Variants in SPTBN1 observed in about 807,000 individuals in gnomAD.
SPTBN1 encodes the protein spectrin beta, non-erythrocytic 1.
A neutral mutation model predicts 266.4 loss-of-function variants in SPTBN1; 32 were observed. The observed-to-expected ratio is 0.12, with a 90% CI of 0.09 to 0.16. The LOEUF (loss-of-function observed/expected upper bound fraction) is 0.16. Ranked by LOEUF, SPTBN1 falls within the 10% of genes least tolerant of loss-of-function variation. The pLI is 1.00. For missense variants in SPTBN1, 2,296 were observed against 3,067.1 expected, an observed-to-expected ratio of 0.75 and a Z score of 5.94; for synonymous variants, 1,336 against 1,162.2, an observed-to-expected ratio of 1.15 and a Z score of -3.04.
chr2:54,517,212 G>A (rs1039854766), intron 1 of SPTBN1, among the ~76,000 whole-genome samples: 2 of 151,970 alleles, frequency 1.3e-5, no homozygotes, highest in Non-Finnish European at 2.9e-5. Flanking sequence ...GATGCCCTTG[G>A]CCAAGAGGGC....
At chr2:54,482,045 C>G (rs1200692653) in intron 1 of SPTBN1, among the ~76,000 whole-genome samples, 1 of 152,034 alleles carries the variant, frequency 6.6e-6, no homozygotes, top group African/African-American at 2.4e-5. Context: ...GGCATAGTAC[C>G]ACAGGATTGC....
chr2:54,620,131 G>T (rs764482283), intron 7 of SPTBN1, among the ~76,000 whole-genome samples: 1 of 152,178 alleles, frequency 6.6e-6, no homozygotes, highest in Admixed American at 6.5e-5. Flanking sequence ...CCTGCTTTGC[G>T]CAGGACAGCA....
Position 54,645,267 on chromosome 2 carries a change from C to T in SPTBN1, c.4308C>T (p.Ile1436=), listed in dbSNP as rs773794373. 7.4e-6 allele frequency: 12 copies of T among 1,614,102 alleles called. No homozygotes were observed. The highest frequency in any genetic ancestry group is 1.6e-4 in the Middle Eastern group (1 of 6,062). Reference sequence around the variant, plus strand: ...AGATGGAAGTGCGGAAGAAGGAGATCGAAGAGCTCCAAAGCCAAGCCCAGG... The same window carrying T: ...AGATGGAAGTGCGGAAGAAGGAGATTGAAGAGCTCCAAAGCCAAGCCCAGG... ...ENQMEVRKKE[I]EELQSQAQAL... is the part of the protein sequence containing the mutation. Residue 1436 remains isoleucine (I), a synonymous_variant, in exon 21 of 36, where the codon ATC becomes ATT. Coordinates refer to ENST00000356805, the MANE Select transcript of SPTBN1 (RefSeq NM_003128.3). The surrounding 1 kb of genome is among the most constrained non-coding windows in gnomAD (Gnocchi z 4.3).
At position 54,471,638 on chromosome 2, in the gene SPTBN1, C is replaced by G. The variant is rs188363850; in HGVS notation, c.-48+15120C>G. On this transcript the variant is annotated intron_variant, in intron 1 of 35. Coordinates refer to ENST00000356805, the MANE Select transcript of SPTBN1 (RefSeq NM_003128.3). ...TCAAATGTTGGAATGTGTTGGAGAA[C>G]TGCCAAGAGGTTGGGAGCAAGCTGT... Among the ~76,000 whole-genome samples the G allele has an allele frequency of 1.7e-4, 26 of 152,264 alleles. No homozygotes were observed. In the East Asian group the frequency reaches 5.0e-3, roughly 29 times the overall value.
At chr2:54,612,496 G>C (rs1317939021) in intron 4 of SPTBN1, among the ~76,000 whole-genome samples, 162 bp downstream of exon 4, 1 of 152,190 alleles carries the variant, frequency 6.6e-6, no homozygotes, top group Non-Finnish European at 1.5e-5. Flanking sequence ...ATTGAATGCT[G>C]CCTCGTAGGC....
chr2:54,612,677 G>A (rs999419259), intron 4 of SPTBN1, among the ~76,000 whole-genome samples: 1 of 152,174 alleles, frequency 6.6e-6, no homozygotes, highest in African/African-American at 2.4e-5. Flanking sequence ...AGGAGCAAAG[G>A]TATAAGGACG....
intron 32 of SPTBN1, chr2:54,662,222 A>G (rs1681096610): frequency 4.1e-6 from 4 of 985,352 alleles, no homozygotes; most frequent in Non-Finnish European, 4.8e-6. Flanking sequence ...TAGCACTGTG[A>G]TTGCTTTTGA....
At chr2:54,642,099 G>A (rs1191864219) in intron 18 of SPTBN1, among the ~76,000 whole-genome samples, 1 of 152,214 alleles carries the variant, frequency 6.6e-6, no homozygotes, top group Non-Finnish European at 1.5e-5. Flanking sequence ...GCTCTTCCTA[G>A]GTTAGCAAAG....
At chr2:54,655,664 C>A (rs1353216169) in intron 28 of SPTBN1, among the ~76,000 whole-genome samples, 1 of 152,178 alleles carries the variant, frequency 6.6e-6, no homozygotes, top group South Asian at 2.1e-4. Context: ...ACGTGTTTGC[C>A]GCAGGGAGCC....
chr2:54,622,332 G>T lies in SPTBN1; in HGVS notation c.909G>T (p.Met303Ile). ...ACAATGCTATTGAAACAGAAAAAAT[G>T]ATTGAAAAGTATGAATCACTTGCCT... ...VLDNAIETEK[M>I]IEKYESLASD... is the part of the protein sequence containing the mutation. The change falls in exon 9 of 36, where the codon ATG (methionine) becomes ATT (isoleucine). Residue 303 changes from methionine to isoleucine, a missense_variant. By Grantham distance (10) the Met-to-Ile change is conservative. This residue lies in a region of SPTBN1 where 148 missense variants were observed against 203.8 expected (regional missense o/e 0.73). Transcript: ENST00000356805. 1 of 1,613,874 alleles carries T rather than the reference G, an allele frequency of 6.2e-7. No individual in the cohort carries two copies. The highest frequency in any genetic ancestry group is 8.5e-7 in the Non-Finnish European group (1 of 1,179,840).
At chr2:54,481,194 G>A (rs1668079509) in intron 1 of SPTBN1, among the ~76,000 whole-genome samples, 1 of 150,294 alleles carries the variant, frequency 6.7e-6, no homozygotes, top group Non-Finnish European at 1.5e-5. Flanking sequence ...GAACAGGTTT[G>A]GAAAAAAAAA....
Position 54,570,244 on chromosome 2 carries a change from C to T in SPTBN1, c.149-28848C>T, listed in dbSNP as rs537586642. On this transcript the variant is annotated intron_variant, in intron 2 of 35. Coordinates refer to ENST00000356805, the MANE Select transcript of SPTBN1 (RefSeq NM_003128.3). The stretch of plus-strand genomic sequence containing the variant: ...GAAAGGCCCTTCTTAGCCTTTCTCT[C>T]TCCCCCAACCCCATTTTCAAGAGGC... Among the ~76,000 whole-genome samples the T allele has an allele frequency of 1.5e-4, 23 of 152,264 alleles. No homozygotes were observed. The South Asian group carries it at 2.7e-3, about 18-fold the overall frequency.
At chr2:54,654,396 A>G (rs1680510863) in intron 27 of SPTBN1, among the ~76,000 whole-genome samples, 1 of 152,208 alleles carries the variant, frequency 6.6e-6, no homozygotes, top group Non-Finnish European at 1.5e-5. Context: ...AGTGAAGAGA[A>G]GTTAATAGAG....
intron 1 of SPTBN1, among the ~76,000 whole-genome samples, chr2:54,514,403 A>C (rs1026878275): frequency 8.5e-5 from 13 of 152,298 alleles, no homozygotes; most frequent in African/African-American, 3.1e-4. Context: ...TTGCCCATTA[A>C]GAAAAAAAAA....
intron 1 of SPTBN1, among the ~76,000 whole-genome samples, chr2:54,488,283 G>A (rs998510620): frequency 2.6e-5 from 4 of 152,032 alleles, no homozygotes; most frequent in Admixed American, 1.3e-4. Flanking sequence ...GGACTAGGGC[G>A]GGAAAGTGAT....
intron 15 of SPTBN1, among the ~76,000 whole-genome samples, chr2:54,630,298 T>C (rs1240010458): frequency 6.6e-6 from 1 of 152,218 alleles, no homozygotes; most frequent in East Asian, 1.9e-4. Context: ...GTTTGACCTG[T>C]GTCCAGTGTA....
At chr2:54,512,429 C>T (rs1443632285) in intron 1 of SPTBN1, among the ~76,000 whole-genome samples, 1 of 152,174 alleles carries the variant, frequency 6.6e-6, no homozygotes, top group Non-Finnish European at 1.5e-5. Context: ...GTTATTTGAA[C>T]AGCTCTTTGA....
Position 54,558,973 on chromosome 2 carries a change from C to G in SPTBN1, c.148+32407C>G, listed in dbSNP as rs545570289. The G allele has an allele frequency of 1.3e-6, 2 of 1,482,682 alleles. No individual in the cohort carries two copies. The highest frequency in any genetic ancestry group is 1.8e-6 in the Non-Finnish European group (2 of 1,097,096). 91.8% of individuals were successfully genotyped at this position (1,482,682 alleles called of 1,614,324 possible). On this transcript the variant is annotated intron_variant, in intron 2 of 35. Coordinates refer to ENST00000356805, the MANE Select transcript of SPTBN1 (RefSeq NM_003128.3). The surrounding 1 kb of genome is among the most constrained non-coding windows in gnomAD (Gnocchi z 4.6). Reference sequence around the variant, plus strand: ...TATTTGTGACCCTAATGAAGACGGGCGGCTTCACAGCTCGGCCCCAGACCC... The same window carrying G: ...TATTTGTGACCCTAATGAAGACGGGGGGCTTCACAGCTCGGCCCCAGACCC...
chr2:54,620,151 TGTGGTAGGTGGAGTGGCATA>T (rs1677900195), intron 7 of SPTBN1, among the ~76,000 whole-genome samples: 1 of 152,204 alleles, frequency 6.6e-6, no homozygotes, highest in South Asian at 2.1e-4. Context: ...ACAGCGGGAA[TGTGGTAGGTGGAGTGGCATA>T]GGGGCTTGCC....
Sources: gnomAD v4.1 joint callset for allele counts (sites outside exome capture counted in the v4.1 genomes callset) on GRCh38, gnomAD v4.1.1 for gene constraint, gnomAD v4.1.1 regional missense constraint, Gnocchi (gnomAD v3.1) non-coding constraint, MANE v1.5 for transcripts, NCBI Gene and HGNC (gene_info 2026-07-23, HGNC 2026-07-21) for gene names.